Variants in KCTD13 observed in about 807,000 individuals in gnomAD.
The protein encoded by KCTD13 is potassium channel tetramerization domain containing 13.
KCTD13 carries 15 observed loss-of-function variants against 32.3 expected under a neutral mutation model. The observed-to-expected ratio is 0.46, with a 90% CI of 0.31 to 0.71. The LOEUF is 0.71. Ranked by LOEUF, KCTD13 falls within the 30% of genes least tolerant of loss-of-function variation. The probability of loss-of-function intolerance (pLI) is 0.05; values close to 1 mark genes in which losing one functional copy is unlikely to be tolerated. For missense variants in KCTD13, 337 were observed against 452.6 expected (o/e 0.74, Z 2.32); for synonymous variants, 189 against 200.1 (o/e 0.94, Z 0.47).
rs1264657479 is a variant in KCTD13 at position 29,906,490 on chromosome 16, T to C, written c.*382A>G. On this transcript the variant is annotated 3_prime_UTR_variant, in exon 6 of 6. Coordinates refer to ENST00000568000, the MANE Select transcript of KCTD13 (RefSeq NM_178863.5). ...GGATGGTGGGGAGGAGGGGGCGGACTACCCTGCAGGACGCGGGAGGCTGCT... is the reference window on the plus strand; with the variant it reads ...GGATGGTGGGGAGGAGGGGGCGGACCACCCTGCAGGACGCGGGAGGCTGCT... 1 of 470,098 alleles carries C rather than the reference T, an allele frequency of 2.1e-6. No individual in the cohort carries two copies. Among genetic ancestry groups the C allele is most frequent in the Non-Finnish European group, 4.2e-6 (1 of 236,564 alleles). 29.1% of individuals were successfully genotyped at this position (470,098 alleles called of 1,614,324 possible). A position where few individuals can be genotyped will look rare whatever the true frequency, so the allele number is the denominator to read the frequency against.
At chr16:29,911,698 G>A (rs540337867) in intron 4 of KCTD13, 117 bp downstream of exon 4, 76 of 1,089,938 alleles carry the variant, frequency 7.0e-5, no homozygotes, top group Non-Finnish European at 9.4e-5. Flanking sequence ...CCGAATCTGC[G>A]AGCAGGCACA....
intron 5 of KCTD13, 89 bp downstream of exon 5, chr16:29,910,889 G>A: frequency 2.5e-6 from 3 of 1,219,668 alleles, no homozygotes; most frequent in Non-Finnish European, 3.5e-6. Context: ...TCCTGGTGGT[G>A]GGCTCCTTCC....
Position 29,910,040 on chromosome 16 carries a change from G to A in KCTD13, c.753+938C>T, listed in dbSNP as rs141430539. Among the ~76,000 whole-genome samples, 13 of 150,584 alleles carry A rather than the reference G, an allele frequency of 8.6e-5. No homozygotes were observed. In the East Asian group the frequency reaches 2.6e-3, roughly 30 times the overall value. On this transcript the variant is annotated intron_variant, in intron 5 of 5. Transcript: ENST00000568000. ...CTTGAATCTGGGAGGCAGAGGTTAAGTGAGCTGAGATCACACCATTGCACT... is the reference window on the plus strand; with the variant it reads ...CTTGAATCTGGGAGGCAGAGGTTAAATGAGCTGAGATCACACCATTGCACT...
intron 2 of KCTD13, chr16:29,912,390 AG>A: frequency 2.5e-6 from 1 of 402,178 alleles, no homozygotes; most frequent in Non-Finnish European, 4.4e-6. Flanking sequence ...AGCCCTCCCC[AG>A]CCCCCCTGGC....
intron 2 of KCTD13, chr16:29,921,771 A>G (rs541471448): frequency 6.6e-6 from 1 of 152,298 alleles, no homozygotes; most frequent in Non-Finnish European, 1.5e-5. Flanking sequence ...GGAGTTCGAC[A>G]CCAGCCTAAC....
At chr16:29,915,560 G>A (rs1468296855) in intron 2 of KCTD13, among the ~76,000 whole-genome samples, 1 of 150,912 alleles carries the variant, frequency 6.6e-6, no homozygotes, top group Admixed American at 6.6e-5. Context: ...GCTGAGACAG[G>A]AGAATCACTT....
At chr16:29,918,066 A>C (rs937554574) in intron 2 of KCTD13, among the ~76,000 whole-genome samples, 11 of 152,258 alleles carry the variant, frequency 7.2e-5, no homozygotes, top group Admixed American at 3.3e-4. Context: ...GACTACATCC[A>C]AATCAAGAAT....
In KCTD13 at chr16:29,911,709, G is replaced by A. The variant is rs1007588695; in HGVS notation, c.557+106C>T. On this transcript the variant is annotated intron_variant, in intron 4 of 5. Coordinates refer to ENST00000568000, the MANE Select transcript of KCTD13 (RefSeq NM_178863.5). ...GAAGCCGAATCTGCGAGCAGGCACA[G>A]ATGTTCTTGTAGGCCCCCCGTGTGG... 3.3e-6 allele frequency: 4 copies of A among 1,225,712 alleles called. No individual in the cohort carries two copies. The African/African-American group carries it at 6.0e-5, about 18-fold the overall frequency. 75.9% of individuals were successfully genotyped at this position (1,225,712 alleles called of 1,614,324 possible).
At position 29,906,669 on chromosome 16, in the gene KCTD13, T is replaced by C. The variant is rs1439185682; in HGVS notation, c.*203A>G. 5 of 688,354 alleles carry C rather than the reference T, an allele frequency of 7.3e-6. No homozygotes were observed. The highest frequency in any genetic ancestry group is 1.8e-5 in the African/African-American group (1 of 56,898). 42.6% of individuals were successfully genotyped at this position (688,354 alleles called of 1,614,324 possible). On this transcript the variant is annotated 3_prime_UTR_variant, in exon 6 of 6. Coordinates refer to ENST00000568000, the MANE Select transcript of KCTD13 (RefSeq NM_178863.5). ...AGTGTTGGCTTCGGAAGGCTCTGAG[T>C]GGTGGGGCCGGAATGTACCATGTTG...
Position 29,912,758 on chromosome 16 carries a change from ACAG to A in KCTD13, c.415-712_415-710del, listed in dbSNP as rs981424978. ...CCAGGCCTATCAGTTCATTTTCTAC[ACAG>A]CAGTTAGTGTCTGACTTTTTCTAAC... On this transcript the variant is annotated intron_variant, in intron 2 of 5. Transcript: ENST00000568000. 2.5e-4 allele frequency among the ~76,000 whole-genome samples: 38 copies of A among 152,222 alleles called. 1 individual carries two copies. Among genetic ancestry groups the A allele is most frequent in the Non-Finnish European group, 1.0e-4 (7 of 68,046 alleles).
In KCTD13 at chr16:29,925,851, T is replaced by A. The variant is rs773303300; in HGVS notation, c.183A>T (p.Gly61=). ...LHYTTLRTLT[G]QDTMLKAMFS... is the part of the protein sequence containing the mutation. ...ACATGGCTTTGAGCATGGTGTCCTG[T>A]CCCGTGAGGGTGCGCAGCGTGGTGT... Residue 61 remains glycine, a synonymous_variant, in exon 1 of 6, where the codon GGA becomes GGT. Transcript: ENST00000568000. 1.5e-5 allele frequency: 25 copies of A among 1,613,962 alleles called. No individual in the cohort carries two copies. Among genetic ancestry groups the A allele is most frequent in the Middle Eastern group, 1.6e-4 (1 of 6,062 alleles).
chr16:29,907,512 C>T (rs1050266859), intron 5 of KCTD13, among the ~76,000 whole-genome samples: 2 of 152,138 alleles, frequency 1.3e-5, no homozygotes, highest in East Asian at 1.9e-4. Flanking sequence ...ACTAGCCTGG[C>T]GCAGTGACTC....
In KCTD13 at chr16:29,926,121, T is replaced by C; in HGVS notation, c.-88A>G. 4.3e-6 allele frequency: 6 copies of C among 1,379,414 alleles called. No individual in the cohort carries two copies. The highest frequency in any genetic ancestry group is 3.1e-5 in the South Asian group (2 of 64,606). 85.4% of individuals were successfully genotyped at this position (1,379,414 alleles called of 1,614,324 possible). Reference sequence around the variant, plus strand: ...AGACCCTCGGCCGGCCCCCAGCCCTTGGGCCAGACCGCTCGGCGCACACGC... The same window carrying C: ...AGACCCTCGGCCGGCCCCCAGCCCTCGGGCCAGACCGCTCGGCGCACACGC... On this transcript the variant is annotated 5_prime_UTR_variant, in exon 1 of 6. Transcript: ENST00000568000.
At chr16:29,924,463 T>C (rs192013823) in intron 1 of KCTD13, among the ~76,000 whole-genome samples, 4 of 152,296 alleles carry the variant, frequency 2.6e-5, no homozygotes, top group Non-Finnish European at 5.9e-5. Flanking sequence ...TTAAAATGTC[T>C]ACCTCCCCCC....
At chr16:29,909,404 C>A (rs1174138983) in intron 5 of KCTD13, among the ~76,000 whole-genome samples, 3 of 152,158 alleles carry the variant, frequency 2.0e-5, no homozygotes, top group Non-Finnish European at 4.4e-5. Context: ...AGAAATAGCA[C>A]TGAGTGCTTA....
rs2068623238 is a variant in KCTD13, at chr16:29,906,944, G to T, written c.918C>A (p.Arg306=). 1.2e-6 allele frequency: 2 copies of T among 1,614,112 alleles called. No homozygotes were observed. Among genetic ancestry groups the T allele is most frequent in the African/African-American group, 2.7e-5 (2 of 75,038 alleles). ...EDEENREHRV[R]RIHVRRHITH... is the part of the protein sequence containing the mutation. Reference sequence around the variant, plus strand: ...TGATATGGCGCCGGACATGGATCCTGCGGACACGGTGCTCTCGGTTCTCTT... The same window carrying T: ...TGATATGGCGCCGGACATGGATCCTTCGGACACGGTGCTCTCGGTTCTCTT... Residue 306 remains arginine, a synonymous_variant, in exon 6 of 6, where the codon CGC becomes CGA. Coordinates refer to ENST00000568000, the MANE Select transcript of KCTD13 (RefSeq NM_178863.5).
intron 5 of KCTD13, among the ~76,000 whole-genome samples, chr16:29,908,173 C>T (rs2068645727): frequency 6.6e-6 from 1 of 151,944 alleles, no homozygotes; most frequent in Non-Finnish European, 1.5e-5. Context: ...AAAGAGCAGC[C>T]TGGGGAGGGC....
intron 1 of KCTD13, 110 bp downstream of exon 1, chr16:29,925,679 TG>T: frequency 9.5e-7 from 1 of 1,052,634 alleles, no homozygotes; most frequent in Non-Finnish European, 1.4e-6. Flanking sequence ...ATGAGTTGAC[TG>T]GACAGTAGCG....
rs776408879 is a variant in KCTD13, at chr16:29,923,228, C to T, written c.376G>A (p.Val126Met). Residue 126 changes from valine to methionine, a missense_variant, in exon 2 of 6, where the codon GTG (valine) becomes ATG (methionine). Physicochemically the swap from Val to Met is conservative, Grantham distance 21. Around this residue, in one of 3 missense-constraint regions of KCTD13, gnomAD observed 252 missense variants for 340.2 expected, o/e 0.74. Transcript: ENST00000568000. ...ELLGEARYYL[V>M]QGLIEDCQLA... The stretch of plus-strand genomic sequence containing the variant: ...TGGCAGTCCTCAATCAGGCCCTGCA[C>T]CAGGTAGTAGCGTGCTTCGCCCAGC... 2 of 1,614,234 alleles carry T rather than the reference C, an allele frequency of 1.2e-6. No homozygotes were observed. The highest frequency in any genetic ancestry group is 8.5e-7 in the Non-Finnish European group (1 of 1,180,038).
Sources: gnomAD v4.1 joint callset for allele counts (sites outside exome capture counted in the v4.1 genomes callset) on GRCh38, gnomAD v4.1.1 for gene constraint, gnomAD v4.1.1 regional missense constraint, MANE v1.5 for transcripts, NCBI Gene and HGNC (gene_info 2026-07-23, HGNC 2026-07-21) for gene names.